Variants in GAB1 observed in about 807,000 individuals in gnomAD.
GAB1 encodes GRB2-associated-binding protein 1.
In GAB1, 19 loss-of-function variants were observed where a neutral mutation model predicts 66.5. That is an observed-to-expected ratio of 0.29 (90% CI 0.20 to 0.42). GAB1 has a LOEUF of 0.42. Ranked by LOEUF, GAB1 falls within the 10% of genes least tolerant of loss-of-function variation. GAB1 has a pLI of 1.00. For missense variants in GAB1, 732 were observed against 858.5 expected (o/e 0.85, Z 1.84); for synonymous variants, 294 against 301.4 (o/e 0.98, Z 0.25).
intron 1 of GAB1, among the ~76,000 whole-genome samples, chr4:143,381,130 G>A (rs1312303960): frequency 6.6e-6 from 1 of 152,184 alleles, no homozygotes; most frequent in Non-Finnish European, 1.5e-5. Flanking sequence ...CATACAAACA[G>A]ATTTAGTTCA....
intron 6 of GAB1, among the ~76,000 whole-genome samples, chr4:143,450,117 A>AGCAGAGCC (rs1354670015): frequency 6.6e-6 from 1 of 152,108 alleles, no homozygotes; most frequent in Admixed American, 6.6e-5. Context: ...TATGGAGTGC[A>AGCAGAGCC]TTTTTACAGC....
chr4:143,452,122 C>G (rs1373548090), intron 6 of GAB1, among the ~76,000 whole-genome samples: 1 of 152,028 alleles, frequency 6.6e-6, no homozygotes, highest in Non-Finnish European at 1.5e-5. Context: ...CTTTCTTTTT[C>G]TTTTAGAGAC....
In GAB1 at chr4:143,404,887, TA is replaced by T. The variant is rs200692505; in HGVS notation, c.73-10588del. Among the ~76,000 whole-genome samples the T allele has an allele frequency of 9.2e-3, 1,401 of 152,354 alleles. 25 individuals are homozygous for T. Among genetic ancestry groups the T allele is most frequent in the African/African-American group, 0.032 (1,316 of 41,574 alleles). Reference sequence around the variant, plus strand: ...TCAAGTTTTGTAGTCACATGTTGGCTAATGGATCCTGTGATGGTCAGCACAG... The same window carrying T: ...TCAAGTTTTGTAGTCACATGTTGGCTATGGATCCTGTGATGGTCAGCACAG... On this transcript the variant is annotated intron_variant, in intron 1 of 9. Coordinates refer to ENST00000262994, the MANE Select transcript of GAB1 (RefSeq NM_002039.4).
intron 6 of GAB1, among the ~76,000 whole-genome samples, chr4:143,447,066 T>G (rs1167229263): frequency 4.8e-4 from 73 of 152,220 alleles, no homozygotes; most frequent in Non-Finnish European, 7.5e-4. Flanking sequence ...TTTCCCCATT[T>G]CTTGTTTTTC....
intron 1 of GAB1, among the ~76,000 whole-genome samples, chr4:143,389,300 A>G (rs1731071295): frequency 6.6e-6 from 1 of 152,250 alleles, no homozygotes; most frequent in Admixed American, 6.5e-5. Flanking sequence ...AATTTATGTC[A>G]TTCACTCATC....
rs531235455 is a variant in GAB1 at position 143,434,591 on chromosome 4, A to T, written c.593+875A>T. 4.0e-5 allele frequency among the ~76,000 whole-genome samples: 6 copies of T among 151,700 alleles called. No homozygotes were observed. The East Asian group carries it at 1.2e-3, about 29-fold the overall frequency. Reference sequence around the variant, plus strand: ...GGCTGATCTCAAACTCCTGGCCTCAAACAGTTCTCTCACCTCAGCCTCCTA... The same window carrying T: ...GGCTGATCTCAAACTCCTGGCCTCATACAGTTCTCTCACCTCAGCCTCCTA... On this transcript the variant is annotated intron_variant, in intron 3 of 9. Coordinates refer to ENST00000262994, the MANE Select transcript of GAB1 (RefSeq NM_002039.4).
Position 143,337,209 on chromosome 4 carries a change from C to G in GAB1, c.21C>G (p.Val7=). Residue 7 remains valine (V), a synonymous_variant, in exon 1 of 10, where the codon GTC becomes GTG. Coordinates refer to ENST00000262994, the MANE Select transcript of GAB1 (RefSeq NM_002039.4). MSGGEV[V]CSGWLRKSPP... ...GCACCATGAGCGGTGGTGAAGTGGTCTGCTCCGGATGGCTCCGCAAGTCCC... is the reference window on the plus strand; with the variant it reads ...GCACCATGAGCGGTGGTGAAGTGGTGTGCTCCGGATGGCTCCGCAAGTCCC... 3.2e-6 allele frequency: 5 copies of G among 1,584,750 alleles called. No homozygotes were observed. Among genetic ancestry groups the G allele is most frequent in the Non-Finnish European group, 4.3e-6 (5 of 1,165,386 alleles).
Position 143,411,989 on chromosome 4 carries a change from C to T in GAB1, c.73-3488C>T, listed in dbSNP as rs78347885. 5.2e-3 allele frequency among the ~76,000 whole-genome samples: 797 copies of T among 152,272 alleles called. 9 individuals carry two copies. Among genetic ancestry groups the T allele is most frequent in the African/African-American group, 0.018 (756 of 41,518 alleles). On this transcript the variant is annotated intron_variant, in intron 1 of 9. Transcript: ENST00000262994. ...CTTGGCTAAATTCTGTGTTTTAATG[C>T]TGTAATTTCCTGCCGTAAGGGTTCA...
intron 9 of GAB1, 21 bp from the exon 10 acceptor site, chr4:143,469,010 T>A: frequency 6.2e-7 from 1 of 1,612,232 alleles, no homozygotes; most frequent in Middle Eastern, 1.7e-4. Context: ...TTGGACTTTT[T>A]GTTTTTTCTT....
rs1237541337 is a variant in GAB1, at chr4:143,474,169, A to G, written c.*4980A>G. 6.6e-6 allele frequency: 1 copy of G among 152,158 alleles called. No homozygotes were observed. The highest frequency in any genetic ancestry group is 1.5e-5 in the Non-Finnish European group (1 of 68,022). 9.4% of individuals were successfully genotyped at this position (152,158 alleles called of 1,614,324 possible). On this transcript the variant is annotated 3_prime_UTR_variant, in exon 10 of 10. Coordinates refer to ENST00000262994, the MANE Select transcript of GAB1 (RefSeq NM_002039.4). Reference sequence around the variant, plus strand: ...TGATTTAAAATTATACAAAATTACTATTTTTGATAAAATAAAGGAACACCT... The same window carrying G: ...TGATTTAAAATTATACAAAATTACTGTTTTTGATAAAATAAAGGAACACCT...
chr4:143,392,024 G>A (rs151280777), intron 1 of GAB1, among the ~76,000 whole-genome samples: 20 of 152,244 alleles, frequency 1.3e-4, no homozygotes, highest in African/African-American at 4.8e-4. Flanking sequence ...TAAAATCTGC[G>A]ATTTTATTCT....
intron 1 of GAB1, among the ~76,000 whole-genome samples, chr4:143,362,947 T>TTG (rs1194472241): frequency 6.6e-6 from 1 of 152,208 alleles, no homozygotes; most frequent in Non-Finnish European, 1.5e-5. Context: ...TGTTGAACAG[T>TTG]TGCTGTGTGC....
chr4:143,458,833 TTTTG>T (rs1201217037), intron 6 of GAB1, among the ~76,000 whole-genome samples: 1 of 150,406 alleles, frequency 6.6e-6, no homozygotes. Flanking sequence ...TATTGTTTCG[TTTTG>T]TTTGTTTCCA....
chr4:143,448,542 T>G (rs1380357386), intron 6 of GAB1, among the ~76,000 whole-genome samples: 6 of 151,736 alleles, frequency 4.0e-5, no homozygotes, highest in South Asian at 2.1e-4. Context: ...GTCGAGGAAT[T>G]TATCCATTTC....
chr4:143,396,337 A>G (rs1731454109), intron 1 of GAB1, among the ~76,000 whole-genome samples: 1 of 152,238 alleles, frequency 6.6e-6, no homozygotes, highest in Non-Finnish European at 1.5e-5. Flanking sequence ...TGGTTACAGA[A>G]CAGACTGTAA....
At chr4:143,466,680 C>T (rs1578762432) in intron 9 of GAB1, among the ~76,000 whole-genome samples, 1 of 151,264 alleles carries the variant, frequency 6.6e-6, no homozygotes, top group South Asian at 2.1e-4. Context: ...AGTAGAGACA[C>T]GGTTTCACCA....
chr4:143,466,050 G>A, intron 8 of GAB1, 53 bp from the exon 9 acceptor site: 2 of 1,601,918 alleles, frequency 1.2e-6, no homozygotes, highest in Non-Finnish European at 1.7e-6. Flanking sequence ...AACAGTACGA[G>A]TGGTATGTCT....
chr4:143,355,794 A>G (rs1264043756), intron 1 of GAB1, among the ~76,000 whole-genome samples: 2 of 152,230 alleles, frequency 1.3e-5, no homozygotes, highest in East Asian at 3.8e-4. Flanking sequence ...AATCTTGAGC[A>G]TATGAGAATG....
chr4:143,345,900 T>G (rs971266793), intron 1 of GAB1, among the ~76,000 whole-genome samples: 1 of 152,246 alleles, frequency 6.6e-6, no homozygotes, highest in Admixed American at 6.5e-5. Flanking sequence ...AGTTTTTGTT[T>G]TAAATAGAAA....
Sources: allele counts gnomAD v4.1 joint callset (sites outside exome capture counted in the v4.1 genomes callset), GRCh38; gene constraint gnomAD v4.1.1; transcripts MANE v1.5; gene names NCBI Gene and HGNC (gene_info 2026-07-23, HGNC 2026-07-21).